FOCAD: variants seen among roughly 807,000 people sequenced by gnomAD.
The protein encoded by FOCAD is KIAA1797.
In FOCAD, 198 loss-of-function variants were observed where a neutral mutation model predicts 225.6. The ratio of observed to expected loss-of-function variants is 0.88; its 90% CI spans 0.78 to 0.99. FOCAD has a LOEUF of 0.99. Among genes scored for constraint, FOCAD ranks in the 50% least tolerant of loss-of-function variants. The pLI is 0.00. For synonymous variants in FOCAD, 897 were observed against 755.0 expected (o/e 1.19, Z -3.08); for missense variants, 2,713 against 2,123.6 (o/e 1.28, Z -5.46).
chr9:20,929,679 A>G, intron 27 of FOCAD, 83 bp downstream of exon 27: 1 of 1,081,088 alleles, frequency 9.2e-7, no homozygotes, highest in South Asian at 1.4e-5. Context: ...CTATATATAA[A>G]CATTGTATCT....
chr9:20,722,962 A>G (rs971300964), intron 4 of FOCAD, among the ~76,000 whole-genome samples: 1 of 152,190 alleles, frequency 6.6e-6, no homozygotes, highest in Non-Finnish European at 1.5e-5. Flanking sequence ...CATGGGGCCA[A>G]TGTAGTATCT....
intron 15 of FOCAD, among the ~76,000 whole-genome samples, chr9:20,855,093 A>G (rs1397997365): frequency 6.6e-6 from 1 of 151,836 alleles, no homozygotes; most frequent in Non-Finnish European, 1.5e-5. Context: ...GCATTAAACC[A>G]TAAAAACTAT....
intron 11 of FOCAD, among the ~76,000 whole-genome samples, chr9:20,802,023 G>A (rs567746417): frequency 6.6e-6 from 1 of 152,094 alleles, no homozygotes; most frequent in Non-Finnish European, 1.5e-5. Context: ...CAAGTTTTCA[G>A]GACAGTTAAT....
At chr9:20,869,483 T>C (rs918909349) in intron 18 of FOCAD, among the ~76,000 whole-genome samples, 1 of 152,206 alleles carries the variant, frequency 6.6e-6, no homozygotes, top group African/African-American at 2.4e-5. Flanking sequence ...GTTGTATAAC[T>C]TGTTGAAAGT....
chr9:20,802,604 G>A (rs1428979472), intron 11 of FOCAD, among the ~76,000 whole-genome samples: 1 of 152,068 alleles, frequency 6.6e-6, no homozygotes, highest in Non-Finnish European at 1.5e-5. Context: ...TCTACCTTAT[G>A]TCCTAGAACA....
intron 18 of FOCAD, among the ~76,000 whole-genome samples, chr9:20,873,586 G>A (rs1471356231): frequency 6.6e-6 from 1 of 152,082 alleles, no homozygotes; most frequent in Non-Finnish European, 1.5e-5. Context: ...ATCTTGTCTT[G>A]GACAGTGCTC....
intron 1 of FOCAD, among the ~76,000 whole-genome samples, chr9:20,692,133 T>A (rs1048733424): frequency 2.0e-5 from 3 of 152,130 alleles, no homozygotes; most frequent in African/African-American, 7.2e-5. Flanking sequence ...AACTCCTGAC[T>A]CCGTATATCC....
intron 10 of FOCAD, among the ~76,000 whole-genome samples, chr9:20,784,635 G>A (rs1367715904): frequency 6.6e-6 from 1 of 152,174 alleles, no homozygotes; most frequent in African/African-American, 2.4e-5. Flanking sequence ...TGACTGAGCT[G>A]GGGTCTACCA....
At chr9:20,851,036 A>T (rs1272461080) in intron 15 of FOCAD, among the ~76,000 whole-genome samples, 2 of 151,520 alleles carry the variant, frequency 1.3e-5, no homozygotes, top group African/African-American at 4.8e-5. Context: ...TGAACTGAAC[A>T]ATAAAGAAGA....
At chr9:20,932,942 A>G (rs1464902252) in intron 27 of FOCAD, 72 bp from the exon 28 acceptor site, 9 of 1,087,024 alleles carry the variant, frequency 8.3e-6, no homozygotes, top group African/African-American at 1.5e-5. Flanking sequence ...TGAGAGTATA[A>G]TATTGTATTC....
chr9:20,941,165 C>T (rs1320288099), intron 28 of FOCAD, among the ~76,000 whole-genome samples: 2 of 152,072 alleles, frequency 1.3e-5, no homozygotes, highest in Non-Finnish European at 2.9e-5. Flanking sequence ...TCACCCAGAG[C>T]AAATTCACCA....
chr9:20,765,783 A>T (rs994176295), intron 7 of FOCAD, among the ~76,000 whole-genome samples: 2 of 152,176 alleles, frequency 1.3e-5, no homozygotes, highest in Non-Finnish European at 2.9e-5. Flanking sequence ...GTAGTGATTC[A>T]TTTATCAGTC....
intron 42 of FOCAD, 152 bp from the exon 43 acceptor site, chr9:20,993,101 C>T: frequency 1.7e-6 from 1 of 604,688 alleles, no homozygotes; most frequent in Non-Finnish European, 2.9e-6. Flanking sequence ...TCTCCTCCAC[C>T]TGGGGAAGGT....
intron 28 of FOCAD, among the ~76,000 whole-genome samples, chr9:20,937,595 C>G (rs1176305063): frequency 6.6e-6 from 1 of 152,170 alleles, no homozygotes; most frequent in East Asian, 1.9e-4. Flanking sequence ...GGATTAAAGA[C>G]TTACATGTTA....
At chr9:20,695,597 A>G (rs934008914) in intron 1 of FOCAD, among the ~76,000 whole-genome samples, 1 of 152,212 alleles carries the variant, frequency 6.6e-6, no homozygotes, top group Non-Finnish European at 1.5e-5. Context: ...GCTTGTAAAG[A>G]GATATGAAAT....
intron 15 of FOCAD, among the ~76,000 whole-genome samples, chr9:20,826,108 A>G (rs1824863208): frequency 6.6e-6 from 1 of 152,118 alleles, no homozygotes; most frequent in Admixed American, 6.6e-5. Context: ...AATTGTTAAT[A>G]TTGAGTGTCA....
At chr9:20,816,300 G>T (rs191999778) in intron 11 of FOCAD, among the ~76,000 whole-genome samples, 5 of 152,238 alleles carry the variant, frequency 3.3e-5, no homozygotes, top group Admixed American at 6.5e-5. Flanking sequence ...TTGTGTCTTG[G>T]TAGAAATCTT....
chr9:20,825,825 A>T (rs756543082), intron 15 of FOCAD, among the ~76,000 whole-genome samples: 1 of 152,094 alleles, frequency 6.6e-6, no homozygotes, highest in African/African-American at 2.4e-5. Flanking sequence ...AAAAGAGTGG[A>T]TTCTGTCTAC....
At chr9:20,957,865 A>T (rs1254309960) in intron 35 of FOCAD, among the ~76,000 whole-genome samples, 2 of 151,630 alleles carry the variant, frequency 1.3e-5, no homozygotes, top group Non-Finnish European at 2.9e-5. Flanking sequence ...GCTTTCCTTC[A>T]GATAAATTCT....
Sources: gnomAD v4.1 joint callset for allele counts (sites outside exome capture counted in the v4.1 genomes callset) on GRCh38, gnomAD v4.1.1 for gene constraint, MANE v1.5 for transcripts, NCBI Gene and HGNC (gene_info 2026-07-23, HGNC 2026-07-21) for gene names.